COL16A1: variants seen among roughly 807,000 people sequenced by gnomAD.
The protein encoded by COL16A1 is collagen alpha-1(XVI) chain.
COL16A1 carries 189 observed loss-of-function variants against 266.3 expected under a neutral mutation model. The observed-to-expected ratio is 0.71, with a 90% CI of 0.63 to 0.80. The LOEUF is 0.80. Ranked by LOEUF, COL16A1 falls within the 30% of genes least tolerant of loss-of-function variation. COL16A1 has a pLI of 0.00. For synonymous variants in COL16A1, 740 were observed against 782.3 expected (o/e 0.95, Z 0.90); for missense variants, 1,928 against 2,122.4 (o/e 0.91, Z 1.80).
rs144504458 is a variant in COL16A1 at position 31,703,223 on chromosome 1, C to A, written c.-35+614G>T. On this transcript the variant is annotated intron_variant, in intron 1 of 70. Coordinates refer to ENST00000373672, the MANE Select transcript of COL16A1 (RefSeq NM_001856.4). ...GCCTATGACCACTCCTCCTGTAGGTCTTCCTGTTGGGAAGTTCTAATGCAA... is the reference window on the plus strand; with the variant it reads ...GCCTATGACCACTCCTCCTGTAGGTATTCCTGTTGGGAAGTTCTAATGCAA... 5.4e-3 allele frequency among the ~76,000 whole-genome samples: 816 copies of A among 152,314 alleles called. 8 individuals are homozygous for A. Among genetic ancestry groups the A allele is most frequent in the African/African-American group, 0.019 (781 of 41,564 alleles).
Position 31,691,471 on chromosome 1 carries a change from C to T in COL16A1, c.1344G>A (p.Glu448=), listed in dbSNP as rs750887007. The change falls in exon 19 of 71, where the codon GAG becomes GAA. Residue 448 remains glutamate (E), a synonymous_variant. Coordinates refer to ENST00000373672, the MANE Select transcript of COL16A1 (RefSeq NM_001856.4). Reference sequence around the variant, plus strand: ...GTCCAGGGAGGCCGGGGGGCCCAGGCTCTCCTGCCAGCCCCTCAGGCCCAA... The same window carrying T: ...GTCCAGGGAGGCCGGGGGGCCCAGGTTCTCCTGCCAGCCCCTCAGGCCCAA... ...GFVGPEGLAG[E]PGPPGLPGPP... is the part of the protein sequence containing the mutation. The T allele has an allele frequency of 5.0e-6, 8 of 1,613,298 alleles. No homozygotes were observed. The Admixed American group carries it at 6.7e-5, about 13-fold the overall frequency.
chr1:31,684,389 C>A, intron 31 of COL16A1, 134 bp downstream of exon 31: 4 of 1,488,150 alleles, frequency 2.7e-6, no homozygotes, highest in Non-Finnish European at 3.6e-6. Flanking sequence ...GGAGAAGCCC[C>A]GAGGAGCCTC....
rs990367249 is a variant in COL16A1 at position 31,681,553 on chromosome 1, G to A, written c.2539-486C>T. The stretch of plus-strand genomic sequence containing the variant: ...CCCTCCAAGAAATTGGAGACTTTGA[G>A]AAGCTGTCACTTGCCTAGGGTCACG... On this transcript the variant is annotated intron_variant, in intron 37 of 70. Coordinates refer to ENST00000373672, the MANE Select transcript of COL16A1 (RefSeq NM_001856.4). 3.5e-4 allele frequency among the ~76,000 whole-genome samples: 53 copies of A among 152,388 alleles called. 1 individual carries two copies. Among genetic ancestry groups the A allele is most frequent in the Admixed American group, 1.3e-3 (20 of 15,310 alleles).
chr1:31,688,583 G>T lies in COL16A1; in HGVS notation c.1768-81C>A. 2 of 1,552,632 alleles carry T rather than the reference G, an allele frequency of 1.3e-6. No individual in the cohort carries two copies. Among genetic ancestry groups the T allele is most frequent in the South Asian group, 2.2e-5 (2 of 89,842 alleles). ...CTCCCCGGGTCCCAGTGTCCAACCA[G>T]AAACAGAACGGTAAGATAGGAATTA... On this transcript the variant is annotated intron_variant, in intron 25 of 70. Transcript: ENST00000373672. This position sits in a 1 kb window ranked among gnomAD's most constrained non-coding sequence, Gnocchi z 4.9.
chr1:31,660,973 C>T (rs533164371), intron 61 of COL16A1, 93 bp downstream of exon 61: 21 of 1,391,422 alleles, frequency 1.5e-5, no homozygotes, highest in Middle Eastern at 1.9e-4. Flanking sequence ...AAAGCAGCCA[C>T]TTTGCCAGTG....
At chr1:31,694,567 G>C (rs1185918579) in intron 11 of COL16A1, among the ~76,000 whole-genome samples, 2 of 152,236 alleles carry the variant, frequency 1.3e-5, no homozygotes, top group African/African-American at 4.8e-5. Context: ...AGGGGGCTTA[G>C]AGCTGAGGGG....
At chr1:31,680,018 G>A in intron 40 of COL16A1, 24 bp downstream of exon 40, 9 of 1,613,140 alleles carry the variant, frequency 5.6e-6, no homozygotes, top group Non-Finnish European at 7.6e-6. Context: ...CCAGTTGGGG[G>A]AAGGCTCTCA....
chr1:31,671,778 C>A, intron 47 of COL16A1, 119 bp from the exon 48 acceptor site: 2 of 1,167,676 alleles, frequency 1.7e-6, no homozygotes, highest in Non-Finnish European at 2.5e-6. Context: ...GGCTGCTGTC[C>A]AAGCAGGACC....
At chr1:31,654,897 C>T (rs368589449) in intron 67 of COL16A1, 39 bp from the exon 68 acceptor site, 1 of 1,611,752 alleles carries the variant, frequency 6.2e-7, no homozygotes, top group Non-Finnish European at 8.5e-7. Flanking sequence ...ATTATACTTC[C>T]AAGCCTGGCA....
chr1:31,703,167 C>T (rs901853522), intron 1 of COL16A1, among the ~76,000 whole-genome samples: 43 of 152,300 alleles, frequency 2.8e-4, no homozygotes, highest in Admixed American at 2.8e-3. Flanking sequence ...CCAGACACAC[C>T]AGCTTGCATA....
chr1:31,668,667 G>A lies in COL16A1; in HGVS notation c.3249+135C>T, dbSNP rs542375545. The A allele has an allele frequency of 2.4e-4, 229 of 967,954 alleles. 1 individual carries two copies. In the East Asian group the frequency reaches 4.8e-3, roughly 20 times the overall value. The allele number at this position is 967,954 out of a possible 1,614,324, so 60.0% of individuals were successfully genotyped here. On this transcript the variant is annotated intron_variant, in intron 50 of 70. Coordinates refer to ENST00000373672, the MANE Select transcript of COL16A1 (RefSeq NM_001856.4). The surrounding 1 kb of genome is among the most constrained non-coding windows in gnomAD (Gnocchi z 5.8). ...GGAAACCTCACACTGAGGGAATCCC[G>A]GCAGAAGGGCAGAGAGTCTCAAGGA...
intron 63 of COL16A1, 59 bp downstream of exon 63, chr1:31,658,855 C>T: frequency 1.3e-6 from 2 of 1,538,990 alleles, no homozygotes; most frequent in Non-Finnish European, 1.8e-6. Flanking sequence ...TGAATGGAGC[C>T]CACAGTCAAG....
Position 31,697,834 on chromosome 1 carries a change from T to C in COL16A1, c.657+72A>G, listed in dbSNP as rs1466110690. The C allele has an allele frequency of 3.3e-6, 5 of 1,502,610 alleles. No homozygotes were observed. The African/African-American group carries it at 5.6e-5, about 17-fold the overall frequency. 93.1% of individuals were successfully genotyped at this position (1,502,610 alleles called of 1,614,324 possible). A position where few individuals can be genotyped will look rare whatever the true frequency, so the allele number is the denominator to read the frequency against. ...TAAGCAGGAGAAGGACTTGTTCCGA[T>C]ACGGATTCCAGGAAGCCCACTCAGG... On this transcript the variant is annotated intron_variant, in intron 6 of 70. Coordinates refer to ENST00000373672, the MANE Select transcript of COL16A1 (RefSeq NM_001856.4). This position sits in a 1 kb window ranked among gnomAD's most constrained non-coding sequence, Gnocchi z 4.2.
At chr1:31,660,718 G>C (rs956668008) in intron 61 of COL16A1, 80 bp from the exon 62 acceptor site, 3 of 1,588,668 alleles carry the variant, frequency 1.9e-6, no homozygotes, top group Admixed American at 1.7e-5. Flanking sequence ...GGAGGGGGCT[G>C]GGCAGAATAC....
chr1:31,685,669 C>T lies in COL16A1; in HGVS notation c.1986G>A (p.Gly662=). The stretch of plus-strand genomic sequence containing the variant: ...TTCCTGGCAAGCCAAAGCCTGGAGG[C>T]CCAGGTTCCCCCTTCTCTCCGGATG... ...PGPSGEKGEP[G]PPGFGLPGKQ... Residue 662 remains glycine, a synonymous_variant, in exon 29 of 71, where the codon GGG becomes GGA. Coordinates refer to ENST00000373672, the MANE Select transcript of COL16A1 (RefSeq NM_001856.4). The surrounding 1 kb of genome is among the most constrained non-coding windows in gnomAD (Gnocchi z 4.0). 6.2e-7 allele frequency: 1 copy of T among 1,613,980 alleles called. No homozygotes were observed. Among genetic ancestry groups the T allele is most frequent in the Non-Finnish European group, 8.5e-7 (1 of 1,179,998 alleles).
intron 16 of COL16A1, 118 bp from the exon 17 acceptor site, chr1:31,692,185 G>A: frequency 6.7e-7 from 1 of 1,490,344 alleles, no homozygotes. Context: ...TCCCCTGAGG[G>A]TGAATGGCTT....
At position 31,697,920 on chromosome 1, in the gene COL16A1, C is replaced by G. The variant is rs200424732; in HGVS notation, c.643G>C (p.Gly215Arg). ...CTAGCACTCACCGAGACAGGCTTGC[C>G]CTGCTCAGCATCCAAGCCTAGAAAT... ...HVFLGLDAEQ[G>R]KPVSFDLQQV... Residue 215 changes from glycine (G) to arginine (R), a missense_variant, in exon 6 of 71, where the codon GGC becomes CGC. Physicochemically the swap from Gly to Arg is moderately radical, Grantham distance 125. Coordinates refer to ENST00000373672, the MANE Select transcript of COL16A1 (RefSeq NM_001856.4). The surrounding 1 kb of genome is among the most constrained non-coding windows in gnomAD (Gnocchi z 4.2). 8 of 1,611,906 alleles carry G rather than the reference C, an allele frequency of 5.0e-6. No homozygotes were observed. Among genetic ancestry groups the G allele is most frequent in the Non-Finnish European group, 6.8e-6 (8 of 1,179,540 alleles).
Position 31,698,129 on chromosome 1 carries a change from C to T in COL16A1, c.434G>A (p.Arg145Lys). ...AAAGTCGCCATCCTGGCCCTGGGCC[C>T]TGAGCTCCAGGCTCCGCTCTTGGCT... ...VNSQERSLEL[R>K]AQGQDGDFVS... Residue 145 changes from arginine (R) to lysine (K), a missense_variant, in exon 6 of 71, where the codon AGG (arginine) becomes AAG (lysine). Coordinates refer to ENST00000373672, the MANE Select transcript of COL16A1 (RefSeq NM_001856.4). This position sits in a 1 kb window ranked among gnomAD's most constrained non-coding sequence, Gnocchi z 4.1. 1 of 1,613,956 alleles carries T rather than the reference C, an allele frequency of 6.2e-7. No individual in the cohort carries two copies. The highest frequency in any genetic ancestry group is 1.1e-5 in the South Asian group (1 of 91,084).
intron 44 of COL16A1, 86 bp from the exon 45 acceptor site, chr1:31,672,926 G>T: frequency 7.9e-7 from 1 of 1,271,372 alleles, no homozygotes; most frequent in Non-Finnish European, 1.1e-6. Context: ...AGAACCCAGA[G>T]CCAGGGCTCC....
Sources: allele counts gnomAD v4.1 joint callset (sites outside exome capture counted in the v4.1 genomes callset), GRCh38; gene constraint gnomAD v4.1.1; non-coding constraint Gnocchi (gnomAD v3.1); transcripts MANE v1.5; gene names NCBI Gene and HGNC (gene_info 2026-07-23, HGNC 2026-07-21).